EPB41L4B: variants seen among roughly 807,000 people sequenced by gnomAD.
EPB41L4B encodes the protein band 4.1-like protein 4B.
A neutral mutation model predicts 112.5 loss-of-function variants in EPB41L4B; 30 were observed. The ratio of observed to expected loss-of-function variants is 0.27; its 90% CI spans 0.20 to 0.36. EPB41L4B has a LOEUF of 0.36. EPB41L4B is among the 10% of genes least tolerant of loss of function. The pLI, the probability that EPB41L4B is intolerant of heterozygous loss-of-function variation, is 1.00. For missense variants in EPB41L4B, 1,024 were observed against 1,133.3 expected (o/e 0.90, Z 1.38); for synonymous variants, 408 against 439.7 (o/e 0.93, Z 0.90).
chr9:109,275,892 A>G (rs967860026), intron 2 of EPB41L4B, among the ~76,000 whole-genome samples: 2 of 152,086 alleles, frequency 1.3e-5, no homozygotes, highest in Non-Finnish European at 2.9e-5. Flanking sequence ...TAAAAGAAAG[A>G]TCTAGAAAGA....
chr9:109,189,843 G>T (rs1402301547), intron 22 of EPB41L4B, among the ~76,000 whole-genome samples: 1 of 152,106 alleles, frequency 6.6e-6, no homozygotes, highest in Non-Finnish European at 1.5e-5. Context: ...TGGCCAGGCT[G>T]GTCTTGAACT....
At chr9:109,267,974 A>G (rs1835466833) in intron 3 of EPB41L4B, among the ~76,000 whole-genome samples, 1 of 152,260 alleles carries the variant, frequency 6.6e-6, no homozygotes, top group South Asian at 2.1e-4. Context: ...TTACCCAAGC[A>G]TAAACAACAT....
chr9:109,177,426 A>G (rs753727705), intron 24 of EPB41L4B, among the ~76,000 whole-genome samples: 9 of 152,262 alleles, frequency 5.9e-5, no homozygotes, highest in Non-Finnish European at 1.0e-4. Flanking sequence ...CTACTGGTCT[A>G]GAGTATACTG....
chr9:109,292,787 C>G (rs1436399705), intron 1 of EPB41L4B, among the ~76,000 whole-genome samples: 2 of 152,156 alleles, frequency 1.3e-5, no homozygotes, highest in Non-Finnish European at 2.9e-5. Context: ...GTGCATCAAC[C>G]CAATCAAATA....
chr9:109,211,828 G>T (rs1438166189), intron 17 of EPB41L4B, among the ~76,000 whole-genome samples: 1 of 143,814 alleles, frequency 7.0e-6, no homozygotes, highest in Non-Finnish European at 1.5e-5. Flanking sequence ...CGATTCTTCT[G>T]CCTCAGCCTC....
At chr9:109,209,056 C>G (rs2118790797) in intron 17 of EPB41L4B, among the ~76,000 whole-genome samples, 1 of 152,210 alleles carries the variant, frequency 6.6e-6, no homozygotes, top group South Asian at 2.1e-4. Context: ...CACCATGCAC[C>G]AGAGCAAGAA....
intron 15 of EPB41L4B, among the ~76,000 whole-genome samples, chr9:109,233,623 C>T (rs775858889): frequency 2.6e-5 from 4 of 151,622 alleles, no homozygotes; most frequent in Admixed American, 6.6e-5. Context: ...CTCCGCCTCC[C>T]GGGTTCAAGC....
rs1184900095 is a variant in EPB41L4B, at chr9:109,320,307, G to A, written c.140C>T (p.Ser47Phe). ...PRGGPAAAASSSALPAAPGGS... is the reference protein window; with the variant it reads ...PRGGPAAAASFSALPAAPGGS... ...CCCGGGCGCGGCGGGCAGCGCCGAG[G>A]AGGAGGCGGCGGCGGCCGGGCCCCC... The change falls in exon 1 of 26, where the codon TCC becomes TTC. Residue 47 changes from serine to phenylalanine, a missense_variant. Ser to Phe is a radical substitution (Grantham distance 155, BLOSUM62 -2). Transcript: ENST00000374566. 1.9e-6 allele frequency: 2 copies of A among 1,030,890 alleles called. No individual in the cohort carries two copies. Among genetic ancestry groups the A allele is most frequent in the Admixed American group, 5.8e-5 (1 of 17,248 alleles). The allele number at this position is 1,030,890 out of a possible 1,614,324, so 63.9% of individuals were successfully genotyped here.
chr9:109,205,792 C>T (rs1832973564), intron 18 of EPB41L4B, among the ~76,000 whole-genome samples: 1 of 152,166 alleles, frequency 6.6e-6, no homozygotes, highest in South Asian at 2.1e-4. Flanking sequence ...AATAACCTGA[C>T]AGATGTTGTT....
chr9:109,174,651 G>A, intron 25 of EPB41L4B, 28 bp from the exon 26 acceptor site: 1 of 1,600,748 alleles, frequency 6.2e-7, no homozygotes, highest in Non-Finnish European at 8.6e-7. Context: ...ACAAAATAGT[G>A]AGACAATCCC....
chr9:109,270,325 G>A (rs955003386), intron 2 of EPB41L4B, among the ~76,000 whole-genome samples: 2 of 152,142 alleles, frequency 1.3e-5, no homozygotes, highest in Non-Finnish European at 2.9e-5. Context: ...AGGTTATTTT[G>A]GGATGGTGGG....
At position 109,303,418 on chromosome 9, in the gene EPB41L4B, T is replaced by C. The variant is rs181886439; in HGVS notation, c.306+16723A>G. ...TGGGGTGCAGTGGCGCGATCTCGACTCACTGCAACCTCCACCTCCCAGACT... is the reference window on the plus strand; with the variant it reads ...TGGGGTGCAGTGGCGCGATCTCGACCCACTGCAACCTCCACCTCCCAGACT... On this transcript the variant is annotated intron_variant, in intron 1 of 25. Coordinates refer to ENST00000374566, the MANE Select transcript of EPB41L4B (RefSeq NM_019114.5). Among the ~76,000 whole-genome samples the C allele has an allele frequency of 8.8e-4, 134 of 152,218 alleles. No homozygotes were observed. In the East Asian group the frequency reaches 0.025, roughly 28 times the overall value.
chr9:109,203,518 G>C, intron 19 of EPB41L4B, 145 bp downstream of exon 19: 1 of 655,460 alleles, frequency 1.5e-6, no homozygotes, highest in East Asian at 2.8e-5. Context: ...AGTTAAGCCA[G>C]TCTTTTTCCA....
Position 109,218,008 on chromosome 9 carries a change from C to T in EPB41L4B, c.1410-863G>A, listed in dbSNP as rs536066214. Among the ~76,000 whole-genome samples the T allele has an allele frequency of 4.9e-4, 75 of 152,012 alleles. 1 individual carries two copies. The highest frequency in any genetic ancestry group is 9.0e-4 in the Non-Finnish European group (61 of 68,004). ...AGATTCCTGCTGGCTCTCCCCGTCT[C>T]TGCTCGTTCCTTTAGTCCATCCTCC... On this transcript the variant is annotated intron_variant, in intron 15 of 25. Transcript: ENST00000374566.
At chr9:109,182,207 C>T (rs1021643994) in intron 24 of EPB41L4B, among the ~76,000 whole-genome samples, 6 of 152,090 alleles carry the variant, frequency 3.9e-5, no homozygotes, top group Non-Finnish European at 7.4e-5. Context: ...GATCTCAATC[C>T]GTCTCAAAAA....
rs537331003 is a variant in EPB41L4B, at chr9:109,240,497, A to G, written c.1409+3121T>C. 17 of 985,408 alleles carry G rather than the reference A, an allele frequency of 1.7e-5. No homozygotes were observed. In the East Asian group the frequency reaches 1.6e-3, roughly 92 times the overall value. The allele number at this position is 985,408 out of a possible 1,614,324, so 61.0% of individuals were successfully genotyped here. ...CAATTACATATACAAAAATGGCACA[A>G]GAATCAACTGATTTCACAGAAATAC... On this transcript the variant is annotated intron_variant, in intron 15 of 25. Transcript: ENST00000374566.
At chr9:109,224,035 A>AAAAAT (rs566032241) in intron 15 of EPB41L4B, among the ~76,000 whole-genome samples, 2,221 of 151,528 alleles carry the variant, frequency 0.015, 39 homozygotes, top group South Asian at 0.045. Context: ...AAAATAAAAT[A>AAAAAT]AAAATAAAAT....
chr9:109,222,625 A>G (rs1833619781), intron 15 of EPB41L4B, among the ~76,000 whole-genome samples: 1 of 152,334 alleles, frequency 6.6e-6, no homozygotes, highest in Middle Eastern at 3.4e-3. Context: ...GAGGTTCATG[A>G]GACTCCTGGC....
chr9:109,280,923 C>T (rs1013911120), intron 1 of EPB41L4B, among the ~76,000 whole-genome samples: 1 of 152,034 alleles, frequency 6.6e-6, no homozygotes. Flanking sequence ...ACTGGGTAAC[C>T]TAAGAGTAGA....
Sources: gnomAD v4.1 joint callset for allele counts (sites outside exome capture counted in the v4.1 genomes callset) on GRCh38, gnomAD v4.1.1 for gene constraint, MANE v1.5 for transcripts, NCBI Gene and HGNC (gene_info 2026-07-23, HGNC 2026-07-21) for gene names.